PCDHGB7: variants seen among roughly 807,000 people sequenced by gnomAD.
PCDHGB7 encodes the protein protocadherin gamma-B7.
In PCDHGB7, 37 loss-of-function variants were observed where a neutral mutation model predicts 61.4. The ratio of observed to expected loss-of-function variants is 0.60; its 90% CI spans 0.46 to 0.79. The LOEUF (loss-of-function observed/expected upper bound fraction) is 0.79, where lower values mean the gene tolerates loss of function less well. Among genes scored for constraint, PCDHGB7 ranks in the 30% least tolerant of loss-of-function variants. PCDHGB7 has a pLI of 0.00. For synonymous variants in PCDHGB7, 464 were observed against 503.5 expected, an observed-to-expected ratio of 0.92 and a Z score of 1.05; for missense variants, 1,166 against 1,202.5, an observed-to-expected ratio of 0.97 and a Z score of 0.45.
intron 3 of PCDHGB7, chr5:141,506,988 A>G (rs1364718512): frequency 1.3e-5 from 2 of 152,192 alleles, no homozygotes; most frequent in Non-Finnish European, 2.9e-5. Context: ...CTGATTTCTC[A>G]CACTCGACAG....
At chr5:141,461,740 G>A (rs770518286) in intron 1 of PCDHGB7, among the ~76,000 whole-genome samples, 4 of 152,072 alleles carry the variant, frequency 2.6e-5, no homozygotes, top group Non-Finnish European at 2.9e-5. Context: ...GCACAATCCC[G>A]GCTCCCAGAT....
chr5:141,432,016 C>G lies in PCDHGB7; in HGVS notation c.2415+11742C>G. 1 of 1,614,202 alleles carries G rather than the reference C, an allele frequency of 6.2e-7. No individual in the cohort carries two copies. The highest frequency in any genetic ancestry group is 1.1e-5 in the South Asian group (1 of 91,082). ...ATAGGGAACAGGTTCCTAGCTACAACATCACAGTGACCGCCACTGACCGGG... is the reference window on the plus strand; with the variant it reads ...ATAGGGAACAGGTTCCTAGCTACAAGATCACAGTGACCGCCACTGACCGGG... On this transcript the variant is annotated intron_variant, in intron 1 of 3. Coordinates refer to ENST00000398594, the MANE Select transcript of PCDHGB7 (RefSeq NM_018927.4). The surrounding 1 kb of genome is among the most constrained non-coding windows in gnomAD (Gnocchi z 6.0).
chr5:141,462,418 T>A (rs1187388192), intron 1 of PCDHGB7, among the ~76,000 whole-genome samples: 2 of 152,250 alleles, frequency 1.3e-5, no homozygotes, highest in African/African-American at 2.4e-5. Context: ...ATATGGTCTA[T>A]CTTGGTGAGT....
In PCDHGB7 at chr5:141,512,739, T is replaced by C. The variant is rs1251649814; in HGVS notation, c.*1566T>C. The stretch of plus-strand genomic sequence containing the variant: ...GGCGGGTGGGCAGCGGGCGGCGGGC[T>C]CCGCGCAGCCGTCTGTCCTTGATCT... On this transcript the variant is annotated 3_prime_UTR_variant, in exon 4 of 4. Transcript: ENST00000398594. 1 of 152,822 alleles carries C rather than the reference T, an allele frequency of 6.5e-6. No individual in the cohort carries two copies. The highest frequency in any genetic ancestry group is 2.4e-5 in the African/African-American group (1 of 41,464). 9.5% of individuals were successfully genotyped at this position (152,822 alleles called of 1,614,324 possible).
chr5:141,429,751 A>AT (rs2097241304), intron 1 of PCDHGB7, among the ~76,000 whole-genome samples: 1 of 152,110 alleles, frequency 6.6e-6, no homozygotes, highest in African/African-American at 2.4e-5. Flanking sequence ...CTTAGGGAGA[A>AT]TTTTTTCCCT....
chr5:141,477,642 A>G lies in PCDHGB7; in HGVS notation c.2416-17165A>G, dbSNP rs767152121. On this transcript the variant is annotated intron_variant, in intron 1 of 3. Transcript: ENST00000398594. The surrounding 1 kb of genome is among the most constrained non-coding windows in gnomAD (Gnocchi z 4.9). ...GCTGAAACCGGGCTAGTGGGTCGCT[A>G]TTTCACAATAAATCGTGACAATGGC... 9 of 1,614,136 alleles carry G rather than the reference A, an allele frequency of 5.6e-6. No individual in the cohort carries two copies. Among genetic ancestry groups the G allele is most frequent in the Non-Finnish European group, 7.6e-6 (9 of 1,180,022 alleles).
rs1449605701 is a variant in PCDHGB7 at position 141,485,191 on chromosome 5, A to C, written c.2416-9616A>C. ...CGGCAGCAATGCTCCGCAAGGTGAG[A>C]AGCTGGACAGAAATCTGGCGGTGGG... is the stretch of plus-strand genomic sequence containing the variant. On this transcript the variant is annotated intron_variant, in intron 1 of 3. Coordinates refer to ENST00000398594, the MANE Select transcript of PCDHGB7 (RefSeq NM_018927.4). This position sits in a 1 kb window ranked among gnomAD's most constrained non-coding sequence, Gnocchi z 5.7. The C allele has an allele frequency of 6.2e-7, 1 of 1,613,836 alleles. No individual in the cohort carries two copies. The highest frequency in any genetic ancestry group is 1.3e-5 in the African/African-American group (1 of 75,042).
intron 1 of PCDHGB7, among the ~76,000 whole-genome samples, chr5:141,454,750 T>C (rs992030704): frequency 1.3e-5 from 2 of 150,108 alleles, no homozygotes; most frequent in Admixed American, 6.7e-5. Flanking sequence ...GAGGCCAAAC[T>C]AATCTTGACA....
At chr5:141,507,858 AC>A (rs2099864314) in intron 3 of PCDHGB7, among the ~76,000 whole-genome samples, 1 of 151,748 alleles carries the variant, frequency 6.6e-6, no homozygotes, top group African/African-American at 2.4e-5. Flanking sequence ...TCACTTTCAC[AC>A]CCGCTTCCTA....
At chr5:141,423,248 C>A in intron 1 of PCDHGB7, 1 of 1,613,888 alleles carries the variant, frequency 6.2e-7, no homozygotes, top group Non-Finnish European at 8.5e-7. Context: ...GAAGTCCTGG[C>A]GGACCTCGGC....
At position 141,489,207 on chromosome 5, in the gene PCDHGB7, A is replaced by T; in HGVS notation, c.2416-5600A>T. The T allele has an allele frequency of 6.9e-7, 1 of 1,452,692 alleles. No homozygotes were observed. The highest frequency in any genetic ancestry group is 9.3e-7 in the Non-Finnish European group (1 of 1,073,586). 90.0% of individuals were successfully genotyped at this position (1,452,692 alleles called of 1,614,324 possible). ...GGGTCTACCTTGGAGACAGGACAGC[A>T]CAGACTTACTCTCCACAAAGGGACT... On this transcript the variant is annotated intron_variant, in intron 1 of 3. Transcript: ENST00000398594. The surrounding 1 kb of genome is among the most constrained non-coding windows in gnomAD (Gnocchi z 4.5).
At chr5:141,456,312 G>A (rs1036961015) in intron 1 of PCDHGB7, among the ~76,000 whole-genome samples, 2 of 152,126 alleles carry the variant, frequency 1.3e-5, no homozygotes, top group African/African-American at 4.8e-5. Flanking sequence ...AGCAGCTAGG[G>A]CTCCTCCTGG....
Position 141,419,409 on chromosome 5 carries a change from A to G in PCDHGB7, c.1550A>G (p.Gln517Arg). 6.2e-7 allele frequency: 1 copy of G among 1,613,462 alleles called. No homozygotes were observed. The highest frequency in any genetic ancestry group is 8.5e-7 in the Non-Finnish European group (1 of 1,179,892). Reference sequence around the variant, plus strand: ...GCGCAGAGCGGGGTGGTGTTCGCGCAGCGCGCCTTCGACCACGAGCAGCTG... The same window carrying G: ...GCGCAGAGCGGGGTGGTGTTCGCGCGGCGCGCCTTCGACCACGAGCAGCTG... ...VSAQSGVVFA[Q>R]RAFDHEQLRT... Residue 517 changes from glutamine (Q) to arginine (R), a missense_variant, in exon 1 of 4, where the codon CAG becomes CGG. Transcript: ENST00000398594.
In PCDHGB7 at chr5:141,423,130, G is replaced by T. The variant is rs770258338; in HGVS notation, c.2415+2856G>T. The T allele has an allele frequency of 2.5e-6, 4 of 1,613,700 alleles. No homozygotes were observed. Among genetic ancestry groups the T allele is most frequent in the Non-Finnish European group, 2.5e-6 (3 of 1,179,952 alleles). ...GGTGCGTACAGCGCGGGCACTGCTG[G>T]ACAGAGACGCGCTCAAGCAGAGCCT... On this transcript the variant is annotated intron_variant, in intron 1 of 3. Coordinates refer to ENST00000398594, the MANE Select transcript of PCDHGB7 (RefSeq NM_018927.4).
chr5:141,487,348 C>T lies in PCDHGB7; in HGVS notation c.2416-7459C>T, dbSNP rs929693998. ...GTGGGGCAGCCTGTGGAGTCACATG[C>T]TTTCCTGCTGGCACCTGTGCCTGTC... On this transcript the variant is annotated intron_variant, in intron 1 of 3. Coordinates refer to ENST00000398594, the MANE Select transcript of PCDHGB7 (RefSeq NM_018927.4). The surrounding 1 kb of genome is among the most constrained non-coding windows in gnomAD (Gnocchi z 5.0). The T allele has an allele frequency of 2.5e-6, 4 of 1,614,080 alleles. No homozygotes were observed. The highest frequency in any genetic ancestry group is 2.2e-5 in the East Asian group (1 of 44,882).
intron 2 of PCDHGB7, among the ~76,000 whole-genome samples, chr5:141,505,092 G>A (rs965653546): frequency 5.9e-5 from 9 of 152,170 alleles, no homozygotes; most frequent in African/African-American, 2.2e-4. Flanking sequence ...AACCCAGGAG[G>A]TGGATGTTGC....
Position 141,491,963 on chromosome 5 carries a change from C to A in PCDHGB7, c.2416-2844C>A. ...CCCCCACCCCTACACTCAAAAAAGG[C>A]CGGGGCCTCCTTCGAGCTTCCGGTG... On this transcript the variant is annotated intron_variant, in intron 1 of 3. Coordinates refer to ENST00000398594, the MANE Select transcript of PCDHGB7 (RefSeq NM_018927.4). This position sits in a 1 kb window ranked among gnomAD's most constrained non-coding sequence, Gnocchi z 6.9. 2 of 944,828 alleles carry A rather than the reference C, an allele frequency of 2.1e-6. No homozygotes were observed. Among genetic ancestry groups the A allele is most frequent in the Non-Finnish European group, 3.0e-6 (2 of 670,874 alleles). 58.5% of individuals were successfully genotyped at this position (944,828 alleles called of 1,614,324 possible).
rs2098293800 is a variant in PCDHGB7 at position 141,442,043 on chromosome 5, A to G, written c.2415+21769A>G. The G allele has an allele frequency of 1.9e-5, 4 of 205,506 alleles. No homozygotes were observed. In the South Asian group the frequency reaches 2.4e-4, roughly 12 times the overall value. The allele number at this position is 205,506 out of a possible 1,614,324, so 12.7% of individuals were successfully genotyped here. A position where few individuals can be genotyped will look rare whatever the true frequency, so the allele number is the denominator to read the frequency against. On this transcript the variant is annotated intron_variant, in intron 1 of 3. Transcript: ENST00000398594. ...ACAGGAAAGCGACTCGCCAGCGCCTACTGGTCGCGGTGCACTGCGGTGGAC... is the reference window on the plus strand; with the variant it reads ...ACAGGAAAGCGACTCGCCAGCGCCTGCTGGTCGCGGTGCACTGCGGTGGAC...
Position 141,512,559 on chromosome 5 carries a change from C to T in PCDHGB7, c.*1386C>T, listed in dbSNP as rs1396321304. The T allele has an allele frequency of 6.5e-6, 1 of 152,904 alleles. No individual in the cohort carries two copies. The highest frequency in any genetic ancestry group is 1.5e-5 in the Non-Finnish European group (1 of 68,438). The allele number at this position is 152,904 out of a possible 1,614,324, so 9.5% of individuals were successfully genotyped here. ...CCCCAGTGCCTCCTTGTGCATAGAC[C>T]TTCTTCTCCCACCCCCTTCTGCCCC... On this transcript the variant is annotated 3_prime_UTR_variant, in exon 4 of 4. Coordinates refer to ENST00000398594, the MANE Select transcript of PCDHGB7 (RefSeq NM_018927.4).
Sources: allele counts gnomAD v4.1 joint callset (sites outside exome capture counted in the v4.1 genomes callset), GRCh38; gene constraint gnomAD v4.1.1; non-coding constraint Gnocchi (gnomAD v3.1); transcripts MANE v1.5; gene names NCBI Gene and HGNC (gene_info 2026-07-23, HGNC 2026-07-21).